Variants in RBM28 observed in about 807,000 individuals in gnomAD.
The protein encoded by RBM28 is RNA-binding protein 28.
Under a neutral mutation model 98.3 loss-of-function variants are expected in RBM28, and 78 were observed. The ratio of observed to expected loss-of-function variants is 0.79; its 90% CI spans 0.66 to 0.96. The LOEUF (loss-of-function observed/expected upper bound fraction) is 0.96, where lower values mean the gene tolerates loss of function less well. RBM28 is among the 40% of genes least tolerant of loss of function. RBM28 has a pLI of 0.00. For synonymous variants in RBM28, 306 were observed against 330.9 expected (o/e 0.92, Z 0.82); for missense variants, 838 against 913.0 (o/e 0.92, Z 1.06).
chr7:128,341,328 A>C lies in RBM28; in HGVS notation c.119-1537T>G, dbSNP rs145090184. The stretch of plus-strand genomic sequence containing the variant: ...AGCACAAGAAAATTCATAGCCCTTC[A>C]TGATCAGTACAACCAAAAGTAAAGC... On this transcript the variant is annotated intron_variant, in intron 1 of 18. Coordinates refer to ENST00000223073, the MANE Select transcript of RBM28 (RefSeq NM_018077.3). The C allele has an allele frequency of 8.6e-4, 386 of 447,844 alleles. 6 individuals carry two copies. Among genetic ancestry groups the C allele is most frequent in the African/African-American group, 7.3e-3 (354 of 48,744 alleles). The allele number at this position is 447,844 out of a possible 1,614,324, so 27.7% of individuals were successfully genotyped here.
At chr7:128,327,480 T>C (rs1400550379) in intron 10 of RBM28, among the ~76,000 whole-genome samples, 2 of 152,202 alleles carry the variant, frequency 1.3e-5, no homozygotes, top group Non-Finnish European at 2.9e-5. Flanking sequence ...CCCATCTCTA[T>C]TTCTGCTATT....
chr7:128,311,328 C>T (rs757181695), intron 18 of RBM28, among the ~76,000 whole-genome samples: 10 of 152,118 alleles, frequency 6.6e-5, no homozygotes, highest in African/African-American at 4.8e-5. Flanking sequence ...GTACGGTATA[C>T]GTCAGAAACT....
intron 10 of RBM28, 22 bp downstream of exon 10, chr7:128,330,797 C>G: frequency 6.4e-7 from 1 of 1,574,780 alleles, no homozygotes; most frequent in Non-Finnish European, 8.7e-7. Flanking sequence ...CTTTTAGGGC[C>G]TGGCCAGCTG....
intron 12 of RBM28, 21 bp downstream of exon 12, chr7:128,324,538 G>A (rs1346027450): frequency 2.5e-6 from 4 of 1,614,106 alleles, no homozygotes; most frequent in Non-Finnish European, 3.4e-6. Context: ...TTAGAAGTGT[G>A]GGTTACATCT....
At chr7:128,312,502 G>T (rs1394170419) in intron 18 of RBM28, among the ~76,000 whole-genome samples, 1 of 152,120 alleles carries the variant, frequency 6.6e-6, no homozygotes, top group Non-Finnish European at 1.5e-5. Context: ...CAAGTTAAAT[G>T]ACACCACAAA....
In RBM28 at chr7:128,343,717, T is replaced by A. The variant is rs1483050139; in HGVS notation, c.77A>T (p.Gln26Leu). ...GAAGCACTGCTTCACCGGCCCCACC[T>A]GACTGAACAGTTCCTCCAGCTGCTC... ...RSEQLEELFS[Q>L]VGPVKQCFVV... Residue 26 changes from glutamine (Q) to leucine (L), a missense_variant, in exon 1 of 19, where the codon CAG becomes CTG. Transcript: ENST00000223073. The A allele has an allele frequency of 2.5e-6, 4 of 1,611,986 alleles. No individual in the cohort carries two copies. The South Asian group carries it at 3.3e-5, about 13-fold the overall frequency.
At position 128,338,827 on chromosome 7, in the gene RBM28, AAG is replaced by A. The variant is rs57307599; in HGVS notation, c.373-28_373-27del. The A allele has an allele frequency of 1.2e-3, 1,821 of 1,494,110 alleles. 15 individuals carry two copies. In the African/African-American group the frequency reaches 0.023, roughly 19 times the overall value. 92.6% of individuals were successfully genotyped at this position (1,494,110 alleles called of 1,614,324 possible). On this transcript the variant is annotated intron_variant, in intron 3 of 18. Coordinates refer to ENST00000223073, the MANE Select transcript of RBM28 (RefSeq NM_018077.3). ...CTGAAGCCAAAAGTGAAGAAAGAAA[AAG>A]AGAAACACAATCACAGCAAATTAAC...
At chr7:128,335,704 A>G (rs779551582) in intron 7 of RBM28, 25 bp from the exon 8 acceptor site, 4 of 1,614,138 alleles carry the variant, frequency 2.5e-6, no homozygotes, top group Non-Finnish European at 3.4e-6. Context: ...ATCAGAACTA[A>G]GGAGGTGGGC....
At chr7:128,330,210 C>T (rs577050810) in intron 10 of RBM28, among the ~76,000 whole-genome samples, 1 of 151,878 alleles carries the variant, frequency 6.6e-6, no homozygotes, top group Admixed American at 6.6e-5. Flanking sequence ...ATGATTAGTA[C>T]CTATGAGATA....
At chr7:128,318,174 T>C (rs1796146849) in intron 14 of RBM28, 68 bp from the exon 15 acceptor site, 1 of 1,460,088 alleles carries the variant, frequency 6.8e-7, no homozygotes, top group Non-Finnish European at 9.5e-7. Flanking sequence ...TGAACTGCTT[T>C]AATAGAGTCA....
At chr7:128,332,867 A>G (rs2116374143) in intron 9 of RBM28, among the ~76,000 whole-genome samples, 1 of 152,270 alleles carries the variant, frequency 6.6e-6, no homozygotes, top group East Asian at 1.9e-4. Flanking sequence ...ACTCCCACCT[A>G]GTTTTCCTGG....
chr7:128,340,750 G>A (rs972161611), intron 1 of RBM28, among the ~76,000 whole-genome samples: 3 of 152,148 alleles, frequency 2.0e-5, no homozygotes, highest in Non-Finnish European at 4.4e-5. Context: ...CTTAGCTGTC[G>A]ATATCAAATT....
chr7:128,342,796 C>A (rs1796755450), intron 1 of RBM28, among the ~76,000 whole-genome samples: 1 of 152,330 alleles, frequency 6.6e-6, no homozygotes, highest in Non-Finnish European at 1.5e-5. Flanking sequence ...CTCCAATATA[C>A]CAAAAACACC....
intron 6 of RBM28, among the ~76,000 whole-genome samples, 185 bp downstream of exon 6, chr7:128,336,946 G>A (rs980418145): frequency 2.0e-5 from 3 of 151,920 alleles, no homozygotes; most frequent in African/African-American, 7.3e-5. Context: ...ATGGGGTTTT[G>A]CATGTTGGCC....
chr7:128,335,984 C>T lies in RBM28; in HGVS notation c.672G>A (p.Glu224=), dbSNP rs762330029. 5.6e-6 allele frequency: 9 copies of T among 1,611,606 alleles called. No homozygotes were observed. In the South Asian group the frequency reaches 8.8e-5, roughly 16 times the overall value. The part of the protein sequence containing the change: ...HQESVKKKGR[E]EEDMEEEEND... ...TTTCTTCCTCTTCCATATCCTCTTC[C>T]TCTCTGCCCTTCTTTTTAACTGATT... The change falls in exon 7 of 19, where the codon GAG becomes GAA. Residue 224 remains glutamate, a synonymous_variant. Coordinates refer to ENST00000223073, the MANE Select transcript of RBM28 (RefSeq NM_018077.3).
chr7:128,311,840 T>G (rs1795991722), intron 18 of RBM28, among the ~76,000 whole-genome samples: 1 of 152,182 alleles, frequency 6.6e-6, no homozygotes, highest in African/African-American at 2.4e-5. Flanking sequence ...CAAAGGAAGA[T>G]TTTTCTTTCT....
chr7:128,319,516 A>ATT (rs1468397875), intron 14 of RBM28, among the ~76,000 whole-genome samples: 1 of 152,202 alleles, frequency 6.6e-6, no homozygotes, highest in Non-Finnish European at 1.5e-5. Context: ...TCTCTCAAGT[A>ATT]ATCTCCCAAA....
intron 16 of RBM28, among the ~76,000 whole-genome samples, chr7:128,316,965 G>A (rs192039463): frequency 6.6e-6 from 1 of 152,302 alleles, no homozygotes; most frequent in East Asian, 1.9e-4. Context: ...ATCAATGAGA[G>A]CTCTAAGAAT....
In RBM28 at chr7:128,300,690, T is replaced by C. The variant is rs888550338; in HGVS notation, c.*10107A>G. ...AGAGGGCTGTTCCCTGAGAGCAAAA[T>C]TGGCAAGTGGGTCTCACCTCCCATG... On this transcript the variant is annotated 3_prime_UTR_variant, in exon 19 of 19. Coordinates refer to ENST00000223073, the MANE Select transcript of RBM28 (RefSeq NM_018077.3). 1 of 152,242 alleles carries C rather than the reference T, an allele frequency of 6.6e-6. No individual in the cohort carries two copies. The highest frequency in any genetic ancestry group is 1.5e-5 in the Non-Finnish European group (1 of 68,052). 9.4% of individuals were successfully genotyped at this position (152,242 alleles called of 1,614,324 possible).
Sources: gnomAD v4.1 joint callset for allele counts (sites outside exome capture counted in the v4.1 genomes callset) on GRCh38, gnomAD v4.1.1 for gene constraint, MANE v1.5 for transcripts, NCBI Gene and HGNC (gene_info 2026-07-23, HGNC 2026-07-21) for gene names.